The following PPIE variants were observed in gnomAD, a reference collection of about 807,000 sequenced individuals.
PPIE encodes the protein peptidylprolyl isomerase E.
PPIE carries 20 observed loss-of-function variants against 38.4 expected under a neutral mutation model. The observed-to-expected ratio is 0.52, with a 90% CI of 0.37 to 0.76. The LOEUF (loss-of-function observed/expected upper bound fraction) is 0.76, where lower values mean the gene tolerates loss of function less well. Ranked by LOEUF, PPIE falls within the 30% of genes least tolerant of loss-of-function variation. PPIE has a pLI of 0.00. For synonymous variants in PPIE, 142 were observed against 135.7 expected, an observed-to-expected ratio of 1.05 and a Z score of -0.32; for missense variants, 322 against 385.8, an observed-to-expected ratio of 0.83 and a Z score of 1.39.
intron 4 of PPIE, 137 bp downstream of exon 4, chr1:39,742,058 A>G: frequency 1.2e-6 from 1 of 824,356 alleles, no homozygotes; most frequent in Non-Finnish European, 2.0e-6. Flanking sequence ...GAAAATATTC[A>G]CTGTGAATTG....
chr1:39,740,873 C>T (rs1647039775), intron 2 of PPIE, among the ~76,000 whole-genome samples: 1 of 152,170 alleles, frequency 6.6e-6, no homozygotes, highest in Non-Finnish European at 1.5e-5. Context: ...GTTATGTTGG[C>T]TTTCTAAGGG....
chr1:39,763,004 C>T (rs987048979), intron 9 of PPIE: 14 of 1,509,506 alleles, frequency 9.3e-6, no homozygotes, highest in African/African-American at 2.8e-5. Context: ...AGCAGGTGGC[C>T]TCACTGCCCT....
At position 39,755,980 on chromosome 1, in the gene PPIE, C is replaced by A. The variant is rs1453646264; in HGVS notation, c.*2625C>A. ...TAGCCTCAATCTGTGGCGGCAGGGTCCACAGCCCTGGGGAGTGACACAGTC... is the reference window on the plus strand; with the variant it reads ...TAGCCTCAATCTGTGGCGGCAGGGTACACAGCCCTGGGGAGTGACACAGTC... On this transcript the variant is annotated 3_prime_UTR_variant, in exon 10 of 10. Transcript: ENST00000324379. 2 of 985,268 alleles carry A rather than the reference C, an allele frequency of 2.0e-6. No homozygotes were observed. Among genetic ancestry groups the A allele is most frequent in the African/African-American group, 3.5e-5 (2 of 57,212 alleles). 61.0% of individuals were successfully genotyped at this position (985,268 alleles called of 1,614,324 possible). A position where few individuals can be genotyped will look rare whatever the true frequency, so the allele number is the denominator to read the frequency against.
At chr1:39,745,998 G>T (rs555711136) in intron 7 of PPIE, 1 of 153,138 alleles carries the variant, frequency 6.5e-6, no homozygotes, top group African/African-American at 2.4e-5. Context: ...CTGTCCCTGT[G>T]CCCTGCTGCC....
At chr1:39,752,599 C>T (rs1252457559) in intron 8 of PPIE, among the ~76,000 whole-genome samples, 1 of 152,232 alleles carries the variant, frequency 6.6e-6, no homozygotes, top group East Asian at 1.9e-4. Flanking sequence ...GTGAGCTCCA[C>T]CAGAGCTTGG....
chr1:39,743,127 C>G, intron 4 of PPIE, 89 bp from the exon 5 acceptor site: 1 of 1,159,312 alleles, frequency 8.6e-7, no homozygotes, highest in East Asian at 2.5e-5. Context: ...GAGGACAAAT[C>G]ATGAGTGTGT....
chr1:39,753,065 G>T lies in PPIE; in HGVS notation c.837+13G>T. On this transcript the variant is annotated intron_variant, in intron 9 of 9. Transcript: ENST00000324379. ...GCGGCAAATTGAGGTATGTGGCCAG[G>T]AATGGGCCTCCTCCTTACCCAGGCC... 1 of 1,614,026 alleles carries T rather than the reference G, an allele frequency of 6.2e-7. No individual in the cohort carries two copies. The highest frequency in any genetic ancestry group is 8.5e-7 in the Non-Finnish European group (1 of 1,180,004).
rs1463094570 is a variant in PPIE at position 39,756,226 on chromosome 1, T to C, written c.*2871T>C. 1.0e-5 allele frequency: 10 copies of C among 985,350 alleles called. No homozygotes were observed. The highest frequency in any genetic ancestry group is 1.2e-5 in the Non-Finnish European group (10 of 829,940). 61.0% of individuals were successfully genotyped at this position (985,350 alleles called of 1,614,324 possible). On this transcript the variant is annotated 3_prime_UTR_variant, in exon 10 of 10. Coordinates refer to ENST00000324379, the MANE Select transcript of PPIE (RefSeq NM_006112.4). Reference sequence around the variant, plus strand: ...AGCCAGTGGCTCTGTGGGCGTCCTTTCCTGCAGCCTGGAGAGCAAAGCGGC... The same window carrying C: ...AGCCAGTGGCTCTGTGGGCGTCCTTCCCTGCAGCCTGGAGAGCAAAGCGGC...
chr1:39,749,168 A>T, intron 8 of PPIE, 80 bp downstream of exon 8: 1 of 1,435,264 alleles, frequency 7.0e-7, no homozygotes, highest in Non-Finnish European at 9.5e-7. Flanking sequence ...GACAGGTTGT[A>T]GTTCTGGCTG....
At position 39,753,126 on chromosome 1, in the gene PPIE, T is replaced by C; in HGVS notation, c.837+74T>C. On this transcript the variant is annotated intron_variant, in intron 9 of 9. Transcript: ENST00000324379. ...AGCCCTGTGTGAGGGCTGGAGAGTC[T>C]CTGTGGCCTGAGAGAGATGGCCAGG... 3 of 1,602,476 alleles carry C rather than the reference T, an allele frequency of 1.9e-6. No homozygotes were observed. The South Asian group carries it at 3.3e-5, about 18-fold the overall frequency.
At chr1:39,761,531 G>A (rs1433849111), downstream of PPIE, among the ~76,000 whole-genome samples, 2 of 151,948 alleles carry the variant, frequency 1.3e-5, no homozygotes, top group African/African-American at 4.8e-5. Flanking sequence ...AGCCTCTTGG[G>A]TTACTTGGAA....
chr1:39,755,805 T>G lies in PPIE; in HGVS notation c.*2450T>G. 9 of 985,356 alleles carry G rather than the reference T, an allele frequency of 9.1e-6. No homozygotes were observed. The highest frequency in any genetic ancestry group is 1.1e-5 in the Non-Finnish European group (9 of 829,902). The allele number at this position is 985,356 out of a possible 1,614,324, so 61.0% of individuals were successfully genotyped here. On this transcript the variant is annotated 3_prime_UTR_variant, in exon 10 of 10. Coordinates refer to ENST00000324379, the MANE Select transcript of PPIE (RefSeq NM_006112.4). ...CCTCCTGGGTGTTCACAGATGTTAT[T>G]GAATGCACACTGGAACCCTGCACAG...
In PPIE at chr1:39,738,978, C is replaced by G. The variant is rs746551761; in HGVS notation, c.31+47C>G. 7 of 1,411,514 alleles carry G rather than the reference C, an allele frequency of 5.0e-6. No homozygotes were observed. In the South Asian group the frequency reaches 1.2e-4, roughly 24 times the overall value. 87.4% of individuals were successfully genotyped at this position (1,411,514 alleles called of 1,614,324 possible). On this transcript the variant is annotated intron_variant, in intron 1 of 9. Transcript: ENST00000324379. ...GCGGAGTCTGAGTGAACGCGACCCC[C>G]AAGGGTCGGGGCGTGGGGTGGGACG...
intron 9 of PPIE, among the ~76,000 whole-genome samples, chr1:39,763,409 T>TCCCCA (rs1649309059): frequency 2.9e-5 from 3 of 103,100 alleles, no homozygotes; most frequent in South Asian, 8.1e-4. Context: ...GGCCCTCCCC[T>TCCCCA]GCCCACGCCT....
chr1:39,749,876 G>A (rs114587889), intron 8 of PPIE, among the ~76,000 whole-genome samples: 51 of 152,322 alleles, frequency 3.3e-4, no homozygotes, highest in Non-Finnish European at 6.8e-4. Context: ...GCTTAGTCCT[G>A]TAATCCCAGC....
rs767835859 is a variant in PPIE at position 39,753,378 on chromosome 1, C to T, written c.*23C>T. 5.0e-6 allele frequency: 8 copies of T among 1,611,564 alleles called. No homozygotes were observed. Among genetic ancestry groups the T allele is most frequent in the African/African-American group, 2.7e-5 (2 of 74,912 alleles). ...TGAGGCGGCACTCTCTCTGCTTCCC[C>T]CTCCGCTCTTGACCCTGCATATCCA... On this transcript the variant is annotated 3_prime_UTR_variant, in exon 10 of 10. Transcript: ENST00000324379.
At chr1:39,741,799 C>A (rs745953741) in intron 3 of PPIE, 96 bp from the exon 4 acceptor site, 377 of 1,368,212 alleles carry the variant, frequency 2.8e-4, no homozygotes, top group Non-Finnish European at 3.7e-4. Flanking sequence ...ACAGAGGTGG[C>A]ATTTTTCTGG....
intron 9 of PPIE, chr1:39,762,673 C>T (rs1240290573): frequency 6.6e-7 from 1 of 1,514,284 alleles, no homozygotes; most frequent in Non-Finnish European, 8.8e-7. Context: ...CACACGCACA[C>T]CCCACACACT....
Position 39,753,864 on chromosome 1 carries a change from A to G in PPIE, c.*509A>G. Reference sequence around the variant, plus strand: ...TAGATGTCAGGTGATGTATCTTCACACCAGGCATCGATGTCAGGGCAACGG... The same window carrying G: ...TAGATGTCAGGTGATGTATCTTCACGCCAGGCATCGATGTCAGGGCAACGG... On this transcript the variant is annotated 3_prime_UTR_variant, in exon 10 of 10. Transcript: ENST00000324379. 8.1e-6 allele frequency: 8 copies of G among 985,886 alleles called. No homozygotes were observed. Among genetic ancestry groups the G allele is most frequent in the Non-Finnish European group, 9.6e-6 (8 of 830,372 alleles). The allele number at this position is 985,886 out of a possible 1,614,324, so 61.1% of individuals were successfully genotyped here.
Sources: allele counts gnomAD v4.1 joint callset (sites outside exome capture counted in the v4.1 genomes callset), GRCh38; gene constraint gnomAD v4.1.1; transcripts MANE v1.5; gene names NCBI Gene and HGNC (gene_info 2026-07-23, HGNC 2026-07-21).